Variants in EXD2 observed in about 807,000 individuals in gnomAD.
EXD2 encodes the protein exonuclease 3'-5' domain containing 2, also known as exonuclease 3'-5' domain-containing protein 2.
In EXD2, 40 loss-of-function variants were observed where a neutral mutation model predicts 62.5. The observed-to-expected ratio is 0.64, with a 90% CI of 0.50 to 0.83. EXD2 has a LOEUF of 0.83. Ranked by LOEUF, EXD2 falls within the 40% of genes least tolerant of loss-of-function variation. EXD2 has a pLI of 0.00. For missense variants in EXD2, 671 were observed against 761.8 expected (o/e 0.88, Z 1.40); for synonymous variants, 239 against 291.9 (o/e 0.82, Z 1.85).
rs547797080 is a variant in EXD2, at chr14:69,242,811, T to C, written c.*1711T>C. ...GGGCACTCATAGATTTGTTTTTATA[T>C]TCATTCTTGAGAAAAAAGCAACTGG... is the stretch of plus-strand genomic sequence containing the variant. On this transcript the variant is annotated 3_prime_UTR_variant, in exon 10 of 10. Transcript: ENST00000685843. 6.6e-6 allele frequency: 1 copy of C among 152,342 alleles called. No individual in the cohort carries two copies. Among genetic ancestry groups the C allele is most frequent in the African/African-American group, 2.4e-5 (1 of 41,582 alleles). The allele number at this position is 152,342 out of a possible 1,614,324, so 9.4% of individuals were successfully genotyped here.
At chr14:69,232,128 C>G (rs1279207323) in intron 5 of EXD2, among the ~76,000 whole-genome samples, 2 of 152,054 alleles carry the variant, frequency 1.3e-5, no homozygotes, top group Admixed American at 6.6e-5. Flanking sequence ...TTTGTCCCTC[C>G]CTTCAGTTTT....
At chr14:69,201,285 T>C (rs534491215) in intron 1 of EXD2, among the ~76,000 whole-genome samples, 12 of 151,842 alleles carry the variant, frequency 7.9e-5, no homozygotes, top group African/African-American at 2.9e-4. Flanking sequence ...GCCTCCTGGG[T>C]TCAAGTGATT....
intron 3 of EXD2, among the ~76,000 whole-genome samples, chr14:69,221,012 G>A (rs1296708800): frequency 6.6e-6 from 1 of 152,142 alleles, no homozygotes; most frequent in Non-Finnish European, 1.5e-5. Context: ...GACTACAGGT[G>A]CATACCACCA....
At chr14:69,230,335 C>A (rs932865165) in intron 4 of EXD2, 137 bp from the exon 5 acceptor site, 9 of 593,926 alleles carry the variant, frequency 1.5e-5, no homozygotes, top group African/African-American at 1.5e-4. Flanking sequence ...AAATAGATAA[C>A]AAATTATCAT....
At chr14:69,220,667 G>T (rs955763022) in intron 3 of EXD2, among the ~76,000 whole-genome samples, 2 of 150,392 alleles carry the variant, frequency 1.3e-5, no homozygotes, top group Admixed American at 1.3e-4. Flanking sequence ...TCAGGAGTTC[G>T]AGACCAGCCT....
chr14:69,234,200 T>G (rs1270808461), intron 5 of EXD2, among the ~76,000 whole-genome samples: 4 of 151,954 alleles, frequency 2.6e-5, no homozygotes, highest in African/African-American at 4.8e-5. Context: ...AACCTATTTG[T>G]TTTTTTTGTT....
chr14:69,235,753 CT>C, intron 6 of EXD2: 1 of 389,918 alleles, frequency 2.6e-6, no homozygotes. Flanking sequence ...TTGCTTGGTT[CT>C]TTTTTGCATT....
intron 3 of EXD2, among the ~76,000 whole-genome samples, chr14:69,216,732 T>A (rs542552495): frequency 6.6e-6 from 1 of 152,246 alleles, no homozygotes; most frequent in East Asian, 1.9e-4. Flanking sequence ...AAAATTGACA[T>A]GAAATTATAT....
rs572375595 is a variant in EXD2, at chr14:69,233,929, G to A, written c.718-771G>A. ...TTACAGGCGTCCACCACCACACCCA[G>A]CTAATTTTTGTATTTTTAGTAGAGA... On this transcript the variant is annotated intron_variant, in intron 5 of 9. Transcript: ENST00000685843. Among the ~76,000 whole-genome samples the A allele has an allele frequency of 1.9e-4, 29 of 152,102 alleles. No homozygotes were observed. The South Asian group carries it at 6.0e-3, about 32-fold the overall frequency.
chr14:69,203,550 T>G (rs1346641230), intron 1 of EXD2, among the ~76,000 whole-genome samples: 1 of 152,162 alleles, frequency 6.6e-6, no homozygotes, highest in Non-Finnish European at 1.5e-5. Flanking sequence ...GAGTAAACAC[T>G]TGTCATTGCA....
Position 69,230,572 on chromosome 14 carries a change from G to A in EXD2, c.691G>A (p.Asp231Asn), listed in dbSNP as rs35010854. ...KSLLLRCSNW[D>N]AETLTEDQVI... ...CCTTCTACTTCGTTGCAGCAACTGG[G>A]ATGCTGAGACTCTCACAGAGGACCA... Residue 231 changes from aspartate to asparagine, a missense_variant, in exon 5 of 10, where the codon GAT becomes AAT. Transcript: ENST00000685843. 45,610 of 1,613,622 alleles carry A rather than the reference G, an allele frequency of 0.028. 814 individuals are homozygous for A. Among genetic ancestry groups the A allele is most frequent in the Non-Finnish European group, 0.034 (40,613 of 1,179,760 alleles).
chr14:69,214,265 AT>A (rs1221614836), intron 3 of EXD2, among the ~76,000 whole-genome samples: 2 of 152,050 alleles, frequency 1.3e-5, no homozygotes, highest in African/African-American at 4.8e-5. Flanking sequence ...TAGGTGTTTT[AT>A]TTCTAGCTTG....
intron 2 of EXD2, among the ~76,000 whole-genome samples, chr14:69,204,379 G>A (rs1220424974): frequency 1.3e-5 from 2 of 152,098 alleles, no homozygotes; most frequent in African/African-American, 2.4e-5. Flanking sequence ...AGACCAGCCT[G>A]GGCAATATAG....
chr14:69,213,000 C>T (rs1400729926), intron 3 of EXD2, among the ~76,000 whole-genome samples: 3 of 151,786 alleles, frequency 2.0e-5, no homozygotes, highest in South Asian at 2.1e-4. Flanking sequence ...CGTGAGCAAC[C>T]GTGCCTGGCC....
intron 3 of EXD2, among the ~76,000 whole-genome samples, chr14:69,217,268 T>G (rs1450368139): frequency 6.6e-6 from 1 of 152,188 alleles, no homozygotes; most frequent in African/African-American, 2.4e-5. Context: ...ATTCTTAGGC[T>G]GGTCTTGAAT....
At chr14:69,210,760 T>C (rs2042778860) in intron 3 of EXD2, among the ~76,000 whole-genome samples, 1 of 151,904 alleles carries the variant, frequency 6.6e-6, no homozygotes. Flanking sequence ...TCGTGAGCTA[T>C]GAACACACCA....
intron 3 of EXD2, among the ~76,000 whole-genome samples, chr14:69,218,088 T>C (rs1027548981): frequency 1.3e-5 from 2 of 152,260 alleles, no homozygotes; most frequent in African/African-American, 4.8e-5. Flanking sequence ...TTTCTAATTC[T>C]GGATCCTTGA....
At chr14:69,201,176 A>G (rs2042385538) in intron 1 of EXD2, among the ~76,000 whole-genome samples, 1 of 151,458 alleles carries the variant, frequency 6.6e-6, no homozygotes, top group South Asian at 2.1e-4. Flanking sequence ...AATACATCTT[A>G]CGTTGGTTTT....
chr14:69,236,775 G>C (rs996475056), intron 8 of EXD2, among the ~76,000 whole-genome samples: 3 of 152,148 alleles, frequency 2.0e-5, no homozygotes, highest in Admixed American at 6.5e-5. Flanking sequence ...ACTCAGTAAT[G>C]GTCTGTCATG....
Sources: allele counts gnomAD v4.1 joint callset (sites outside exome capture counted in the v4.1 genomes callset), GRCh38; gene constraint gnomAD v4.1.1; transcripts MANE v1.5; gene names NCBI Gene and HGNC (gene_info 2026-07-23, HGNC 2026-07-21).